VPS53: variants seen among roughly 807,000 people sequenced by gnomAD.
VPS53 encodes the protein vacuolar protein sorting-associated protein 53 homolog.
VPS53 carries 70 observed loss-of-function variants against 107.0 expected under a neutral mutation model. The ratio of observed to expected loss-of-function variants is 0.65; its 90% CI spans 0.54 to 0.80. The LOEUF (loss-of-function observed/expected upper bound fraction) is 0.80, where lower values mean the gene tolerates loss of function less well. Among genes scored for constraint, VPS53 ranks in the 30% least tolerant of loss-of-function variants. The pLI is 0.00. For missense variants in VPS53, 917 were observed against 1,049.4 expected, an observed-to-expected ratio of 0.87 and a Z score of 1.74; for synonymous variants, 409 against 393.3, an observed-to-expected ratio of 1.04 and a Z score of -0.47.
At chr17:709,820 G>A (rs1359758682) in intron 2 of VPS53, among the ~76,000 whole-genome samples, 4 of 152,168 alleles carry the variant, frequency 2.6e-5, no homozygotes, top group South Asian at 2.1e-4. Context: ...GAAAATCACC[G>A]GACAAAAAAT....
intron 11 of VPS53, 140 bp downstream of exon 11, chr17:623,393 T>C: frequency 9.8e-7 from 1 of 1,016,540 alleles, no homozygotes; most frequent in South Asian, 1.9e-5. Flanking sequence ...TATCATCACT[T>C]TCCCAGCAGC....
intron 19 of VPS53, among the ~76,000 whole-genome samples, chr17:531,527 T>C (rs989025294): frequency 3.3e-5 from 5 of 152,056 alleles, no homozygotes; most frequent in Non-Finnish European, 5.9e-5. Flanking sequence ...GTGGGGCAGA[T>C]GGTGTCTTAC....
chr17:550,746 A>G (rs1911743889), intron 17 of VPS53, among the ~76,000 whole-genome samples: 1 of 152,078 alleles, frequency 6.6e-6, no homozygotes, highest in South Asian at 2.1e-4. Context: ...CGGAATTGAC[A>G]TTCATTTGGG....
At chr17:601,269 C>A (rs74557468) in intron 12 of VPS53, among the ~76,000 whole-genome samples, 1 of 152,290 alleles carries the variant, frequency 6.6e-6, no homozygotes, top group African/African-American at 2.4e-5. Context: ...ACAGAAAAAT[C>A]CAAAGGAAAT....
chr17:592,125 T>A (rs1487889270), intron 12 of VPS53, among the ~76,000 whole-genome samples: 2 of 152,246 alleles, frequency 1.3e-5, no homozygotes, highest in Admixed American at 1.3e-4. Flanking sequence ...GTTGAATTGA[T>A]CCCTTTACCA....
At chr17:544,047 GAGGAAGGAAGGA>G (rs766862568) in intron 17 of VPS53, among the ~76,000 whole-genome samples, 2 of 112,678 alleles carry the variant, frequency 1.8e-5, no homozygotes, top group African/African-American at 1.5e-4. Flanking sequence ...GGGAGGAAGG[GAGGAAGGAAGGA>G]AAGAAGATAC....
At chr17:592,123 G>A (rs1373135361) in intron 12 of VPS53, among the ~76,000 whole-genome samples, 1 of 152,172 alleles carries the variant, frequency 6.6e-6, no homozygotes, top group Non-Finnish European at 1.5e-5. Flanking sequence ...TTGTTGAATT[G>A]ATCCCTTTAC....
At chr17:669,099 T>G (rs913855383) in intron 4 of VPS53, among the ~76,000 whole-genome samples, 1 of 152,190 alleles carries the variant, frequency 6.6e-6, no homozygotes, top group Non-Finnish European at 1.5e-5. Context: ...AAGTCCATTC[T>G]CAACACACAC....
chr17:588,131 T>C (rs544709975), intron 12 of VPS53, among the ~76,000 whole-genome samples: 74 of 152,174 alleles, frequency 4.9e-4, no homozygotes, highest in Middle Eastern at 3.4e-3. Context: ...GCATGGCCAA[T>C]ATGGTGAAAC....
At chr17:565,117 A>C (rs759615660) in intron 13 of VPS53, among the ~76,000 whole-genome samples, 1 of 152,184 alleles carries the variant, frequency 6.6e-6, no homozygotes, top group South Asian at 2.1e-4. Context: ...AAAGTCTATT[A>C]TAGGCCCAAC....
intron 11 of VPS53, among the ~76,000 whole-genome samples, chr17:610,023 G>A (rs183665586): frequency 4.7e-4 from 72 of 151,692 alleles, no homozygotes; most frequent in African/African-American, 1.7e-3. Flanking sequence ...TCCCAGCTAC[G>A]CGGAGGCTGA....
chr17:678,351 G>A (rs1320812945), intron 4 of VPS53, among the ~76,000 whole-genome samples: 1 of 152,008 alleles, frequency 6.6e-6, no homozygotes, highest in Non-Finnish European at 1.5e-5. Context: ...GAACCCGGGA[G>A]GTGGAGACTG....
intron 4 of VPS53, among the ~76,000 whole-genome samples, chr17:677,596 T>G (rs1168515653): frequency 6.6e-6 from 1 of 152,072 alleles, no homozygotes; most frequent in Non-Finnish European, 1.5e-5. Context: ...CTTAAAAATG[T>G]TAAAATAATA....
rs912610790 is a variant in VPS53, at chr17:626,806, A to G, written c.974+368T>C. ...CTACCCTGTCTCTATGGAACTATCT[A>G]TCTAGCAAGTCAGAAAATAAAAATG... is the stretch of plus-strand genomic sequence containing the variant. On this transcript the variant is annotated intron_variant, in intron 10 of 21. Coordinates refer to ENST00000437048, the MANE Select transcript of VPS53 (RefSeq NM_001128159.3). Among the ~76,000 whole-genome samples, 3 of 152,228 alleles carry G rather than the reference A, an allele frequency of 2.0e-5. No individual in the cohort carries two copies. In the East Asian group the frequency reaches 5.8e-4, roughly 29 times the overall value.
At chr17:596,392 G>T (rs957458434) in intron 12 of VPS53, among the ~76,000 whole-genome samples, 1 of 151,764 alleles carries the variant, frequency 6.6e-6, no homozygotes, top group African/African-American at 2.4e-5. Flanking sequence ...CCTTGATGAC[G>T]TCCCACAGGT....
chr17:686,644 T>C (rs1972596321), intron 4 of VPS53, among the ~76,000 whole-genome samples: 1 of 152,082 alleles, frequency 6.6e-6, no homozygotes, highest in South Asian at 2.1e-4. Flanking sequence ...TCAGAACAAG[T>C]AAACCTGGAG....
chr17:617,326 G>A (rs1969188287), intron 11 of VPS53, among the ~76,000 whole-genome samples: 1 of 152,220 alleles, frequency 6.6e-6, no homozygotes, highest in African/African-American at 2.4e-5. Flanking sequence ...AGAGGAATCA[G>A]GGGGCTGCTA....
At chr17:588,143 C>G (rs1266200298) in intron 12 of VPS53, among the ~76,000 whole-genome samples, 1 of 152,154 alleles carries the variant, frequency 6.6e-6, no homozygotes, top group Admixed American at 6.5e-5. Context: ...TGGTGAAACC[C>G]TGTCTCTACT....
At chr17:571,717 A>AT in intron 13 of VPS53, among the ~76,000 whole-genome samples, 1 of 152,154 alleles carries the variant, frequency 6.6e-6, no homozygotes, top group South Asian at 2.1e-4. Context: ...TGGTTTTCGT[A>AT]TTTTTTTGGT....
Sources: allele counts gnomAD v4.1 joint callset (sites outside exome capture counted in the v4.1 genomes callset), GRCh38; gene constraint gnomAD v4.1.1; transcripts MANE v1.5; gene names NCBI Gene and HGNC (gene_info 2026-07-23, HGNC 2026-07-21).